Variants in GALNT13 observed in about 807,000 individuals in gnomAD.
GALNT13 encodes UDP-GalNAc:polypeptide N-acetylgalactosaminyltransferase 13.
A neutral mutation model predicts 64.2 loss-of-function variants in GALNT13; 28 were observed. That is an observed-to-expected ratio of 0.44 (90% CI 0.32 to 0.60). GALNT13 has a LOEUF of 0.60. Among genes scored for constraint, GALNT13 ranks in the 20% least tolerant of loss-of-function variants. The pLI, the probability that GALNT13 is intolerant of heterozygous loss-of-function variation, is 0.05. For synonymous variants in GALNT13, 214 were observed against 224.6 expected (o/e 0.95, Z 0.42); for missense variants, 577 against 669.8 (o/e 0.86, Z 1.53).
chr2:154,011,588 A>G (rs1324562804), intron 3 of GALNT13, among the ~76,000 whole-genome samples: 8 of 152,082 alleles, frequency 5.3e-5, no homozygotes, highest in Admixed American at 4.6e-4. Flanking sequence ...TGTTAGGTCC[A>G]TTTGGTCAAG....
chr2:154,211,860 T>C (rs967431088), intron 4 of GALNT13, among the ~76,000 whole-genome samples: 2 of 151,774 alleles, frequency 1.3e-5, no homozygotes, highest in Admixed American at 1.3e-4. Flanking sequence ...ATATTAGCCT[T>C]GAAGAGGTTT....
chr2:153,499,110 CA>C, the GALNT13 span, among the ~76,000 whole-genome samples: 1 of 152,178 alleles, frequency 6.6e-6, no homozygotes, highest in Non-Finnish European at 1.5e-5. Context: ...CTCGGCCTCC[CA>C]AAGTGCTGAG....
chr2:154,349,873 C>A (rs1378906965), intron 9 of GALNT13, among the ~76,000 whole-genome samples: 1 of 152,150 alleles, frequency 6.6e-6, no homozygotes, highest in Non-Finnish European at 1.5e-5. Context: ...CATGGCAATG[C>A]TGGATGGAAA....
rs901832658 is a variant in GALNT13, at chr2:154,039,703, A to G, written c.142+95064A>G. 3.6e-5 allele frequency among the ~76,000 whole-genome samples: 5 copies of G among 139,360 alleles called. 1 individual carries two copies. The highest frequency in any genetic ancestry group is 8.2e-5 in the Non-Finnish European group (5 of 60,698). The allele number at this position is 139,360 out of a possible 152,430, so 91.4% of individuals were successfully genotyped here. The stretch of plus-strand genomic sequence containing the variant: ...GGAAAAAGTTCTAGTGTTCTGTAGC[A>G]CTGTAGGGTGAATATACCTAACAAT... On this transcript the variant is annotated intron_variant, in intron 3 of 12. Transcript: ENST00000392825.
chr2:154,346,479 C>T (rs984061124), intron 9 of GALNT13, among the ~76,000 whole-genome samples: 20 of 151,962 alleles, frequency 1.3e-4, no homozygotes, highest in Admixed American at 5.9e-4. Flanking sequence ...GAATCGTGGG[C>T]GTGGTTTCCC....
chr2:153,662,816 T>C, the GALNT13 span, among the ~76,000 whole-genome samples: 3 of 152,212 alleles, frequency 2.0e-5, no homozygotes, highest in African/African-American at 7.2e-5. Context: ...AATTTCTGTT[T>C]ACTAGGTATG....
chr2:153,462,083 T>A, the GALNT13 span, among the ~76,000 whole-genome samples: 1 of 152,108 alleles, frequency 6.6e-6, no homozygotes, highest in African/African-American at 2.4e-5. Context: ...AGGGAGCTTT[T>A]ATGGAATAGA....
intron 8 of GALNT13, among the ~76,000 whole-genome samples, chr2:154,279,241 G>T (rs1252572944): frequency 2.0e-5 from 3 of 152,050 alleles, no homozygotes; most frequent in Non-Finnish European, 4.4e-5. Flanking sequence ...CTAGAAATTG[G>T]CAGGGCTAAA....
At chr2:154,048,692 C>A (rs960207580) in intron 3 of GALNT13, among the ~76,000 whole-genome samples, 4 of 151,918 alleles carry the variant, frequency 2.6e-5, no homozygotes, top group African/African-American at 4.8e-5. Context: ...ATGAAAACAT[C>A]TAGTAGCTGA....
chr2:153,301,518 A>G, the GALNT13 span, among the ~76,000 whole-genome samples: 1 of 152,096 alleles, frequency 6.6e-6, no homozygotes, highest in South Asian at 2.1e-4. Context: ...ATATTACCTT[A>G]TATATTTATT....
At chr2:153,965,567 T>A (rs1458028723) in intron 3 of GALNT13, among the ~76,000 whole-genome samples, 2 of 152,118 alleles carry the variant, frequency 1.3e-5, no homozygotes, top group African/African-American at 4.8e-5. Flanking sequence ...AACAGGACGG[T>A]CTTGTTTTTT....
chr2:153,514,722 G>A, the GALNT13 span, among the ~76,000 whole-genome samples: 1 of 152,132 alleles, frequency 6.6e-6, no homozygotes, highest in Non-Finnish European at 1.5e-5. Flanking sequence ...GATTTTTCAA[G>A]GGGTGGGGAT....
At position 153,972,591 on chromosome 2, in the gene GALNT13, C is replaced by T. The variant is rs114799984; in HGVS notation, c.142+27952C>T. Among the ~76,000 whole-genome samples, 737 of 152,002 alleles carry T rather than the reference C, an allele frequency of 4.8e-3. 3 individuals carry two copies. The highest frequency in any genetic ancestry group is 0.02 in the Middle Eastern group (6 of 294). On this transcript the variant is annotated intron_variant, in intron 3 of 12. Transcript: ENST00000392825. ...AATTTGCAGTCATTACTTCTAATGA[C>T]AAAAATGCTACAGATGAATTGGGGA...
At chr2:154,165,226 C>T (rs1684961652) in intron 4 of GALNT13, among the ~76,000 whole-genome samples, 1 of 152,108 alleles carries the variant, frequency 6.6e-6, no homozygotes, top group Non-Finnish European at 1.5e-5. Context: ...AATTAGAAGA[C>T]TGATATTTTT....
intron 3 of GALNT13, among the ~76,000 whole-genome samples, chr2:154,085,331 G>C (rs889111679): frequency 6.6e-6 from 1 of 152,016 alleles, no homozygotes; most frequent in Non-Finnish European, 1.5e-5. Context: ...AATAGAAGCA[G>C]TAAGAGTAAT....
At chr2:153,796,068 G>A in the GALNT13 span, among the ~76,000 whole-genome samples, 341 of 152,296 alleles carry the variant, frequency 2.2e-3, 1 homozygote, top group African/African-American at 8.0e-3. Flanking sequence ...GAGTTAAAGC[G>A]TTCACTTCTA....
chr2:154,106,239 T>C (rs900222977), intron 3 of GALNT13, among the ~76,000 whole-genome samples: 10 of 152,202 alleles, frequency 6.6e-5, no homozygotes, highest in Non-Finnish European at 1.2e-4. Context: ...TGTTGGTATA[T>C]TTACAAACTC....
intron 7 of GALNT13, among the ~76,000 whole-genome samples, chr2:154,247,868 G>A (rs1043238201): frequency 3.3e-5 from 5 of 152,032 alleles, no homozygotes; most frequent in Non-Finnish European, 5.9e-5. Flanking sequence ...GATTTTTGTG[G>A]CAAAAGGTTA....
chr2:154,422,561 A>G (rs1198784146), intron 11 of GALNT13, among the ~76,000 whole-genome samples: 1 of 152,216 alleles, frequency 6.6e-6, no homozygotes, highest in Admixed American at 6.5e-5. Context: ...AACCTACCAG[A>G]TAGACATACT....
Sources: gnomAD v4.1 joint callset for allele counts (sites outside exome capture counted in the v4.1 genomes callset) on GRCh38, gnomAD v4.1.1 for gene constraint, MANE v1.5 for transcripts, NCBI Gene and HGNC (gene_info 2026-07-23, HGNC 2026-07-21) for gene names.